ZFP91: variants seen among roughly 807,000 people sequenced by gnomAD.
ZFP91 encodes the protein E3 ubiquitin-protein ligase ZFP91.
In ZFP91, 7 loss-of-function variants were observed where a neutral mutation model predicts 63.5. The observed-to-expected ratio is 0.11, with a 90% CI of 0.06 to 0.21. The LOEUF is 0.21. Among genes scored for constraint, ZFP91 ranks in the 10% least tolerant of loss-of-function variants. The pLI is 1.00. For missense variants in ZFP91, 628 were observed against 736.6 expected (o/e 0.85, Z 1.71); for synonymous variants, 330 against 272.1 (o/e 1.21, Z -2.10).
intron 2 of ZFP91, among the ~76,000 whole-genome samples, chr11:58,596,056 G>C (rs759868595): frequency 3.3e-5 from 5 of 152,088 alleles, no homozygotes; most frequent in Non-Finnish European, 7.3e-5. Flanking sequence ...CTGTTGACCA[G>C]AAGCTTTATC....
intron 9 of ZFP91, 24 bp downstream of exon 9, chr11:58,614,367 A>G: frequency 6.5e-7 from 1 of 1,540,308 alleles, no homozygotes; most frequent in Non-Finnish European, 8.9e-7. Context: ...GTGTTTATCA[A>G]GTAGGTAATT....
chr11:58,579,551 C>T lies in ZFP91; in HGVS notation c.270C>T (p.Asp90=). The change falls in exon 1 of 11, where the codon GAC becomes GAT. Residue 90 remains aspartate, a synonymous_variant. Coordinates refer to ENST00000316059, the MANE Select transcript of ZFP91 (RefSeq NM_053023.5). ...GCAGCCCCAGCGCCAGGCCTCCCGA[C>T]GTCCCCGGGCAGCAGCCCCAGGCCG... The part of the protein sequence containing the change: ...RRSSPSARPP[D]VPGQQPQAAK... 6.3e-7 allele frequency: 1 copy of T among 1,582,574 alleles called. No individual in the cohort carries two copies. The highest frequency in any genetic ancestry group is 8.6e-7 in the Non-Finnish European group (1 of 1,168,228).
chr11:58,615,013 A>G (rs1855727422), intron 9 of ZFP91, among the ~76,000 whole-genome samples: 1 of 152,192 alleles, frequency 6.6e-6, no homozygotes, highest in Non-Finnish European at 1.5e-5. Context: ...GAGTAAGTCT[A>G]GGAATTCTAG....
intron 2 of ZFP91, among the ~76,000 whole-genome samples, chr11:58,598,211 T>C (rs943002515): frequency 1.3e-5 from 2 of 152,240 alleles, no homozygotes; most frequent in East Asian, 1.9e-4. Flanking sequence ...TCTAAGACTT[T>C]GTGTGTGTAA....
At chr11:58,595,982 C>A (rs1422742426) in intron 2 of ZFP91, among the ~76,000 whole-genome samples, 1 of 152,094 alleles carries the variant, frequency 6.6e-6, no homozygotes, top group African/African-American at 2.4e-5. Flanking sequence ...GGGTTAGGGG[C>A]ACCACCTCCC....
intron 8 of ZFP91, 80 bp downstream of exon 8, chr11:58,612,920 G>A: frequency 8.3e-7 from 1 of 1,199,264 alleles, no homozygotes; most frequent in African/African-American, 1.5e-5. Flanking sequence ...TAATTTGTTG[G>A]CTTGTGTAGG....
chr11:58,601,000 CAATT>C (rs1252056814), intron 2 of ZFP91, among the ~76,000 whole-genome samples: 1 of 152,088 alleles, frequency 6.6e-6, no homozygotes. Flanking sequence ...GGACCTGTCT[CAATT>C]GATTATAGTG....
chr11:58,595,964 A>G (rs1455015698), intron 2 of ZFP91, among the ~76,000 whole-genome samples: 1 of 152,112 alleles, frequency 6.6e-6, no homozygotes, highest in Non-Finnish European at 1.5e-5. Flanking sequence ...CCCTTGAACA[A>G]CATGGTAGGG....
intron 2 of ZFP91, among the ~76,000 whole-genome samples, chr11:58,589,674 A>C (rs1855271959): frequency 6.6e-6 from 1 of 151,974 alleles, no homozygotes; most frequent in Non-Finnish European, 1.5e-5. Flanking sequence ...CTAATCTTTT[A>C]TCTTAAGGTA....
At chr11:58,601,602 G>A (rs1167328322) in intron 2 of ZFP91, among the ~76,000 whole-genome samples, 1 of 150,836 alleles carries the variant, frequency 6.6e-6, no homozygotes, top group African/African-American at 2.4e-5. Flanking sequence ...ATTGATTCAG[G>A]CATGTGATTT....
intron 9 of ZFP91, 54 bp downstream of exon 9, chr11:58,614,397 C>A: frequency 7.8e-7 from 1 of 1,287,360 alleles, no homozygotes; most frequent in South Asian, 1.4e-5. Context: ...TTTAGTTTTG[C>A]ATGTTGGTAA....
intron 2 of ZFP91, among the ~76,000 whole-genome samples, chr11:58,591,791 A>G (rs781714867): frequency 2.6e-5 from 4 of 152,154 alleles, no homozygotes; most frequent in Non-Finnish European, 1.5e-5. Context: ...CAGTAACAAC[A>G]AAGCACTGCC....
chr11:58,600,304 A>G (rs140178427), intron 2 of ZFP91, among the ~76,000 whole-genome samples: 21 of 152,174 alleles, frequency 1.4e-4, no homozygotes, highest in African/African-American at 4.8e-4. Flanking sequence ...CAATTTTTCA[A>G]TATTTTATTC....
At chr11:58,609,772 C>G in intron 2 of ZFP91, 58 bp from the exon 3 acceptor site, 1 of 1,454,370 alleles carries the variant, frequency 6.9e-7, no homozygotes, top group South Asian at 1.2e-5. Context: ...AGTAGATATA[C>G]AGGGATGGTT....
Position 58,582,600 on chromosome 11 carries a change from A to G in ZFP91, c.342-2256A>G, listed in dbSNP as rs573947209. Among the ~76,000 whole-genome samples the G allele has an allele frequency of 2.0e-3, 298 of 152,342 alleles. 2 individuals are homozygous for G. Among genetic ancestry groups the G allele is most frequent in the Non-Finnish European group, 4.0e-4 (27 of 68,020 alleles). On this transcript the variant is annotated intron_variant, in intron 1 of 10. Coordinates refer to ENST00000316059, the MANE Select transcript of ZFP91 (RefSeq NM_053023.5). ...AAACCTCTGTTCCCATTGGAAGGCA[A>G]AATAATAGAGTGGATAAAGCATTGG...
At chr11:58,590,326 T>C (rs1855282823) in intron 2 of ZFP91, among the ~76,000 whole-genome samples, 1 of 152,232 alleles carries the variant, frequency 6.6e-6, no homozygotes, top group Non-Finnish European at 1.5e-5. Context: ...AAGGCTTCTT[T>C]AGCTTCATAA....
At chr11:58,612,109 G>A (rs1855674555) in intron 6 of ZFP91, 169 bp from the exon 7 acceptor site, 3 of 662,026 alleles carry the variant, frequency 4.5e-6, no homozygotes, top group Admixed American at 3.1e-5. Context: ...ATTACTTCAG[G>A]GTAAAATTAC....
intron 2 of ZFP91, among the ~76,000 whole-genome samples, chr11:58,591,217 G>A (rs1855299950): frequency 1.3e-5 from 2 of 152,170 alleles, no homozygotes; most frequent in South Asian, 4.1e-4. Context: ...TTACATAAAT[G>A]GGATAATACA....
At chr11:58,611,985 C>T in intron 6 of ZFP91, 1 of 530,240 alleles carries the variant, frequency 1.9e-6, no homozygotes, top group Non-Finnish European at 3.3e-6. Context: ...TTAGATGATA[C>T]ATGGTAGCAA....
Sources: gnomAD v4.1 joint callset for allele counts (sites outside exome capture counted in the v4.1 genomes callset) on GRCh38, gnomAD v4.1.1 for gene constraint, MANE v1.5 for transcripts, NCBI Gene and HGNC (gene_info 2026-07-23, HGNC 2026-07-21) for gene names.